The following ACOT7 variants were observed in gnomAD, a reference collection of about 807,000 sequenced individuals.
The protein encoded by ACOT7 is acyl-CoA thioesterase 7.
In ACOT7, 12 loss-of-function variants were observed where a neutral mutation model predicts 40.2. The ratio of observed to expected loss-of-function variants is 0.30; its 90% CI spans 0.19 to 0.48. The LOEUF is 0.48. Ranked by LOEUF, ACOT7 falls within the 20% of genes least tolerant of loss-of-function variation. The pLI, the probability that ACOT7 is intolerant of heterozygous loss-of-function variation, is 0.99. For missense variants in ACOT7, 395 were observed against 530.8 expected, an observed-to-expected ratio of 0.74 and a Z score of 2.51; for synonymous variants, 228 against 219.5, an observed-to-expected ratio of 1.04 and a Z score of -0.34.
chr1:6,385,791 G>A, intron 1 of ACOT7: 2 of 1,432,838 alleles, frequency 1.4e-6, no homozygotes, highest in South Asian at 1.5e-5. Context: ...GAAAGCACCA[G>A]GCTCCTGCTC....
At chr1:6,391,826 A>C (rs754234030) in intron 1 of ACOT7, among the ~76,000 whole-genome samples, 3 of 152,168 alleles carry the variant, frequency 2.0e-5, no homozygotes, top group Non-Finnish European at 2.9e-5. Flanking sequence ...GGGCAAACCA[A>C]GTGGGATGAG....
At chr1:6,279,577 G>C (rs1287601803) in intron 8 of ACOT7, among the ~76,000 whole-genome samples, 1 of 152,200 alleles carries the variant, frequency 6.6e-6, no homozygotes, top group Non-Finnish European at 1.5e-5. Context: ...GTGCCGTGCT[G>C]GGGGCACCCA....
intron 2 of ACOT7, among the ~76,000 whole-genome samples, chr1:6,340,558 G>A (rs1277184027): frequency 6.6e-6 from 1 of 152,170 alleles, no homozygotes; most frequent in Non-Finnish European, 1.5e-5. Context: ...TGTCTTTCCA[G>A]GCTTTTTTCC....
At chr1:6,276,022 G>A (rs1639177961) in intron 8 of ACOT7, among the ~76,000 whole-genome samples, 4 of 152,190 alleles carry the variant, frequency 2.6e-5, no homozygotes, top group Non-Finnish European at 5.9e-5. Flanking sequence ...CGCTCACTCA[G>A]CCCTGACAGC....
intron 1 of ACOT7, among the ~76,000 whole-genome samples, chr1:6,353,711 AAAG>A (rs1641660297): frequency 6.6e-6 from 1 of 152,218 alleles, no homozygotes; most frequent in African/African-American, 2.4e-5. Context: ...AAAAATAAAG[AAAG>A]ACACAGGCCA....
intron 4 of ACOT7, among the ~76,000 whole-genome samples, chr1:6,331,910 T>A (rs1571315125): frequency 6.6e-6 from 1 of 151,978 alleles, no homozygotes; most frequent in Non-Finnish European, 1.5e-5. Flanking sequence ...AGGAAGCAGG[T>A]CTCAAGGAGC....
intron 5 of ACOT7, among the ~76,000 whole-genome samples, chr1:6,320,235 A>T (rs1640605191): frequency 6.6e-6 from 1 of 152,242 alleles, no homozygotes; most frequent in African/African-American, 2.4e-5. Context: ...ACGGGATCCG[A>T]AAAGGAGAGT....
intron 7 of ACOT7, among the ~76,000 whole-genome samples, chr1:6,291,954 G>T (rs928315346): frequency 5.9e-5 from 9 of 152,214 alleles, no homozygotes; most frequent in African/African-American, 2.2e-4. Context: ...TATCCTAGGA[G>T]CAAGCATGAT....
chr1:6,283,981 C>A (rs955163689), intron 7 of ACOT7, among the ~76,000 whole-genome samples: 1 of 151,980 alleles, frequency 6.6e-6, no homozygotes, highest in South Asian at 2.1e-4. Context: ...GGTGACAGAG[C>A]AAGACCCTGT....
intron 6 of ACOT7, among the ~76,000 whole-genome samples, chr1:6,304,882 CA>C (rs1190279841): frequency 7.1e-6 from 1 of 140,254 alleles, no homozygotes; most frequent in Non-Finnish European, 1.5e-5. Flanking sequence ...CCATTGTCAT[CA>C]TGGCCCGTTC....
intron 3 of ACOT7, among the ~76,000 whole-genome samples, chr1:6,335,308 C>T (rs1358386159): frequency 1.7e-5 from 2 of 115,262 alleles, no homozygotes; most frequent in African/African-American, 3.5e-5. Flanking sequence ...GGCTGGGCAA[C>T]GAGAGCAAAA....
chr1:6,317,563 T>C (rs1348626063), intron 6 of ACOT7, among the ~76,000 whole-genome samples: 1 of 152,136 alleles, frequency 6.6e-6, no homozygotes, highest in Non-Finnish European at 1.5e-5. Flanking sequence ...GTCACGATGC[T>C]AGTCTTTGGG....
Position 6,334,973 on chromosome 1 carries a change from C to T in ACOT7, c.419-1405G>A, listed in dbSNP as rs558295654. Reference sequence around the variant, plus strand: ...GGCTGAGGTGGGTGGATCACTTGAGCTCAGGAGTTCCAGACCAGCCTGGGT... The same window carrying T: ...GGCTGAGGTGGGTGGATCACTTGAGTTCAGGAGTTCCAGACCAGCCTGGGT... On this transcript the variant is annotated intron_variant, in intron 3 of 8. Coordinates refer to ENST00000361521, the MANE Select transcript of ACOT7 (RefSeq NM_007274.4). Among the ~76,000 whole-genome samples the T allele has an allele frequency of 9.0e-4, 136 of 151,636 alleles. 1 individual carries two copies. Among genetic ancestry groups the T allele is most frequent in the African/African-American group, 3.0e-3 (123 of 41,288 alleles).
rs76381783 is a variant in ACOT7, at chr1:6,346,799, G to A, written c.261+2950C>T. 8.9e-3 allele frequency among the ~76,000 whole-genome samples: 1,349 copies of A among 152,226 alleles called. 12 individuals carry two copies. The highest frequency in any genetic ancestry group is 0.038 in the Middle Eastern group (11 of 292). ...CAAAGTGGGGGTGGGCCTGGGGGTT[G>A]TGCTCAGATCTGGACTTCCTGGAAG... is the stretch of plus-strand genomic sequence containing the variant. On this transcript the variant is annotated intron_variant, in intron 2 of 8. Coordinates refer to ENST00000361521, the MANE Select transcript of ACOT7 (RefSeq NM_007274.4).
At position 6,347,490 on chromosome 1, in the gene ACOT7, C is replaced by T. The variant is rs150521128; in HGVS notation, c.261+2259G>A. On this transcript the variant is annotated intron_variant, in intron 2 of 8. Transcript: ENST00000361521. The stretch of plus-strand genomic sequence containing the variant: ...AATAAAAATAACAACAGCAGCTGGG[C>T]GCAGTGGCTCACGCCTGTAATCCCA... 1.1e-3 allele frequency among the ~76,000 whole-genome samples: 175 copies of T among 152,296 alleles called. 1 individual carries two copies. Among genetic ancestry groups the T allele is most frequent in the African/African-American group, 3.9e-3 (164 of 41,552 alleles).
At chr1:6,385,409 C>T (rs1571357886) in intron 1 of ACOT7, 2 of 1,491,100 alleles carry the variant, frequency 1.3e-6, no homozygotes, top group East Asian at 2.3e-5. Context: ...AAAACTCCTC[C>T]AAGTTATGCG....
intron 7 of ACOT7, among the ~76,000 whole-genome samples, chr1:6,285,095 A>G (rs1390253087): frequency 6.6e-6 from 1 of 152,200 alleles, no homozygotes; most frequent in Admixed American, 6.5e-5. Flanking sequence ...TGGAAGTCCC[A>G]CGAGGGCAGG....
chr1:6,389,451 C>G (rs1446746987), intron 1 of ACOT7, among the ~76,000 whole-genome samples: 2 of 152,102 alleles, frequency 1.3e-5, no homozygotes, highest in Admixed American at 1.3e-4. Flanking sequence ...CCCTGCCCCC[C>G]ACAGACCTAC....
intron 1 of ACOT7, among the ~76,000 whole-genome samples, chr1:6,365,749 C>T (rs1213069779): frequency 3.1e-5 from 4 of 130,218 alleles, no homozygotes; most frequent in African/African-American, 9.1e-5. Context: ...GCCTGGGCAA[C>T]AGAGCAAGAC....
Sources: allele counts gnomAD v4.1 joint callset (sites outside exome capture counted in the v4.1 genomes callset), GRCh38; gene constraint gnomAD v4.1.1; transcripts MANE v1.5; gene names NCBI Gene and HGNC (gene_info 2026-07-23, HGNC 2026-07-21).